Variants in SLC9C2 observed in about 807,000 individuals in gnomAD.
The protein encoded by SLC9C2 is sodium/hydrogen exchanger 11.
A neutral mutation model predicts 140.2 loss-of-function variants in SLC9C2; 75 were observed. That is an observed-to-expected ratio of 0.53 (90% confidence interval 0.44 to 0.65). SLC9C2 has a LOEUF of 0.65. Ranked by LOEUF, SLC9C2 falls within the 30% of genes least tolerant of loss-of-function variation. The pLI is 0.00. For missense variants in SLC9C2, 1,074 were observed against 1,331.8 expected (o/e 0.81, Z 3.01); for synonymous variants, 375 against 420.9 (o/e 0.89, Z 1.34).
intron 4 of SLC9C2, among the ~76,000 whole-genome samples, chr1:173,592,857 G>A (rs1022683886): frequency 3.9e-5 from 6 of 152,222 alleles, no homozygotes; most frequent in East Asian, 1.9e-4. Context: ...CAAAGGAAAC[G>A]CCATCAGGCT....
In SLC9C2 at chr1:173,583,550, A is replaced by C; in HGVS notation, c.596T>G (p.Phe199Cys). Reference protein sequence around the residue: ...LIICSIASIFFGNFRGNRIHF... With the variant: ...LIICSIASIFCGNFRGNRIHF... Reference sequence around the variant, plus strand: ...GATTCTGTTGCCCCGAAAATTTCCAAAAAAAATTGATGCGATGCTACAAAT... The same window carrying C: ...GATTCTGTTGCCCCGAAAATTTCCACAAAAAATTGATGCGATGCTACAAAT... Residue 199 changes from phenylalanine to cysteine, a missense_variant, in exon 6 of 28, where the codon TTT becomes TGT. Phe to Cys is a radical substitution (Grantham distance 205, BLOSUM62 -2). Transcript: ENST00000367714. The C allele has an allele frequency of 1.9e-6, 3 of 1,611,736 alleles. No homozygotes were observed. The highest frequency in any genetic ancestry group is 2.5e-6 in the Non-Finnish European group (3 of 1,178,986).
chr1:173,569,078 A>T (rs1253720022), intron 9 of SLC9C2, among the ~76,000 whole-genome samples: 1 of 152,094 alleles, frequency 6.6e-6, no homozygotes, highest in African/African-American at 2.4e-5. Context: ...TCACAGATAT[A>T]CTATTCTTGG....
chr1:173,557,385 A>G lies in SLC9C2; in HGVS notation c.1170T>C (p.Pro390=). 6.2e-7 allele frequency: 1 copy of G among 1,613,958 alleles called. No individual in the cohort carries two copies. The highest frequency in any genetic ancestry group is 8.5e-7 in the Non-Finnish European group (1 of 1,179,938). Residue 390 remains proline, a synonymous_variant, in exon 10 of 28, where the codon CCT becomes CCC. Coordinates refer to ENST00000367714, the MANE Select transcript of SLC9C2 (RefSeq NM_178527.4). ...TTCGTTCAGCGAGATTATAAACATCAGGAGCCCAGAGTAAATTAAAAACTC... is the reference window on the plus strand; with the variant it reads ...TTCGTTCAGCGAGATTATAAACATCGGGAGCCCAGAGTAAATTAAAAACTC... ...IKGVFNLLWA[P]DVYNLAERKV...
chr1:173,525,333 G>A (rs1160337672), intron 19 of SLC9C2, among the ~76,000 whole-genome samples: 1 of 152,170 alleles, frequency 6.6e-6, no homozygotes, highest in South Asian at 2.1e-4. Context: ...CTGAGATCAA[G>A]GAGCATATTC....
intron 11 of SLC9C2, among the ~76,000 whole-genome samples, chr1:173,550,908 G>GAGAGAGAGAGAGA (rs1663248312): frequency 7.3e-6 from 1 of 137,400 alleles, no homozygotes; most frequent in African/African-American, 2.8e-5. Context: ...GAGAGAGAGA[G>GAGAGAGAGAGAGA]AAGGAAGGGA....
In SLC9C2 at chr1:173,534,599, T is replaced by C; in HGVS notation, c.1859A>G (p.Tyr620Cys). Reference protein sequence around the residue: ...EYTGQIINLIYIYPMIIHLWP... With the variant: ...EYTGQIINLICIYPMIIHLWP... ...CAGATGTATTATCATAGGATAAATA[T>C]ATATCAAATTTATAATCTGTCCTGT... Residue 620 changes from tyrosine to cysteine, a missense_variant, in exon 16 of 28, where the codon TAT (tyrosine) becomes TGT (cysteine). Physicochemically the swap from Tyr to Cys is radical, Grantham distance 194. Coordinates refer to ENST00000367714, the MANE Select transcript of SLC9C2 (RefSeq NM_178527.4). The C allele has an allele frequency of 6.3e-7, 1 of 1,590,478 alleles. No homozygotes were observed.
intron 9 of SLC9C2, among the ~76,000 whole-genome samples, chr1:173,558,409 G>A (rs1663862217): frequency 6.6e-6 from 1 of 152,168 alleles, no homozygotes; most frequent in East Asian, 1.9e-4. Flanking sequence ...AACAACTTAT[G>A]TCATTTCCTG....
chr1:173,601,984 C>A, intron 1 of SLC9C2, 129 bp from the exon 2 acceptor site: 1 of 559,214 alleles, frequency 1.8e-6, no homozygotes, highest in Non-Finnish European at 3.1e-6. Context: ...ATTAATACCT[C>A]TTGTCCTACC....
At chr1:173,589,621 A>G (rs1425031010) in intron 4 of SLC9C2, among the ~76,000 whole-genome samples, 2 of 152,140 alleles carry the variant, frequency 1.3e-5, no homozygotes, top group Admixed American at 6.5e-5. Context: ...GGCAAATTAC[A>G]TATTTTTAGG....
intron 23 of SLC9C2, among the ~76,000 whole-genome samples, chr1:173,516,028 G>A (rs1558019619): frequency 1.3e-5 from 2 of 152,274 alleles, no homozygotes; most frequent in East Asian, 1.9e-4. Context: ...GCAAAGATAG[G>A]TGCCTGCTCC....
intron 24 of SLC9C2, among the ~76,000 whole-genome samples, chr1:173,508,891 G>A (rs953928243): frequency 4.6e-5 from 7 of 152,196 alleles, no homozygotes; most frequent in African/African-American, 9.7e-5. Flanking sequence ...GAAAAGGCAG[G>A]AGATTTACAG....
rs1659689157 is a variant in SLC9C2, at chr1:173,507,003, T to C, written c.3078A>G (p.Ala1026=). ...TATAGCTTGATAAAGTTTCCACATA[T>C]GCTTGATTGAACATCACACAGTTCT... ...RFQNCVMFNQ[A]YVETLSSYSD... Residue 1026 remains alanine, a synonymous_variant, in exon 25 of 28, where the codon GCA becomes GCG. Coordinates refer to ENST00000367714, the MANE Select transcript of SLC9C2 (RefSeq NM_178527.4). The C allele has an allele frequency of 1.2e-6, 2 of 1,606,812 alleles. No homozygotes were observed. The highest frequency in any genetic ancestry group is 1.3e-5 in the African/African-American group (1 of 74,502).
intron 9 of SLC9C2, among the ~76,000 whole-genome samples, chr1:173,572,226 G>T (rs1431359883): frequency 6.6e-6 from 1 of 152,206 alleles, no homozygotes; most frequent in East Asian, 1.9e-4. Flanking sequence ...TTTTTTAAGA[G>T]TCCAGACAGA....
intron 19 of SLC9C2, among the ~76,000 whole-genome samples, chr1:173,526,440 T>G (rs1396810129): frequency 6.6e-6 from 1 of 152,226 alleles, no homozygotes; most frequent in African/African-American, 2.4e-5. Context: ...TTTTCAATTA[T>G]CTATTGATAC....
At position 173,504,818 on chromosome 1, in the gene SLC9C2, G is replaced by A. The variant is rs7540898; in HGVS notation, c.3310+429C>T. ...AAGGCAAGTCATTTGACTTGTAGCTGTGACCATGGAATACTCACTGACTAT... is the reference window on the plus strand; with the variant it reads ...AAGGCAAGTCATTTGACTTGTAGCTATGACCATGGAATACTCACTGACTAT... On this transcript the variant is annotated intron_variant, in intron 26 of 27. Transcript: ENST00000367714. Among the ~76,000 whole-genome samples the A allele has an allele frequency of 9.5e-3, 1,454 of 152,318 alleles. 28 individuals are homozygous for A. Among genetic ancestry groups the A allele is most frequent in the African/African-American group, 0.034 (1,396 of 41,554 alleles).
At chr1:173,542,632 C>T (rs1433500054) in intron 13 of SLC9C2, among the ~76,000 whole-genome samples, 2 of 152,258 alleles carry the variant, frequency 1.3e-5, no homozygotes, top group East Asian at 3.9e-4. Context: ...CAAACTGAAT[C>T]CAGCAGCACA....
At chr1:173,555,248 TACC>T (rs1392324557) in intron 10 of SLC9C2, 1 of 157,784 alleles carries the variant, frequency 6.3e-6, no homozygotes, top group Non-Finnish European at 1.4e-5. Flanking sequence ...GCTACGGCTG[TACC>T]AGAGGCTCTG....
At chr1:173,513,741 T>A (rs1256574023) in intron 23 of SLC9C2, among the ~76,000 whole-genome samples, 2 of 152,222 alleles carry the variant, frequency 1.3e-5, no homozygotes, top group Admixed American at 6.5e-5. Flanking sequence ...TTAATTGTGA[T>A]GTTAGGGTGT....
chr1:173,596,680 T>C lies in SLC9C2; in HGVS notation c.357+1224A>G, dbSNP rs145268232. 1.2e-3 allele frequency: 175 copies of C among 152,150 alleles called. 1 individual carries two copies. The highest frequency in any genetic ancestry group is 4.1e-3 in the African/African-American group (171 of 41,544). The allele number at this position is 152,150 out of a possible 1,614,324, so 9.4% of individuals were successfully genotyped here. On this transcript the variant is annotated intron_variant, in intron 4 of 27. Coordinates refer to ENST00000367714, the MANE Select transcript of SLC9C2 (RefSeq NM_178527.4). ...TAAAAAGAAGCAGAAATTATCAACC[T>C]GTATAAAATAAAAAAAATCCAACTG...
Sources: allele counts gnomAD v4.1 joint callset (sites outside exome capture counted in the v4.1 genomes callset), GRCh38; gene constraint gnomAD v4.1.1; transcripts MANE v1.5; gene names NCBI Gene and HGNC (gene_info 2026-07-23, HGNC 2026-07-21).